HMGB1: variants seen among roughly 807,000 people sequenced by gnomAD.
HMGB1 encodes the protein high mobility group box 1, also known as high mobility group protein B1.
For synonymous variants in HMGB1, 81 were observed against 84.0 expected, an observed-to-expected ratio of 0.96 and a Z score of 0.19; for missense variants, 79 against 253.5, an observed-to-expected ratio of 0.31 and a Z score of 4.67.
upstream of HMGB1, among the ~76,000 whole-genome samples, chr13:30,467,974 C>T (rs370672022): frequency 1.3e-4 from 20 of 152,192 alleles, no homozygotes; most frequent in African/African-American, 4.8e-4. Flanking sequence ...GTAATAGGCA[C>T]TGGAATTGAA....
intron 1 of HMGB1, among the ~76,000 whole-genome samples, chr13:30,481,309 AC>A (rs58223635): frequency 0.28 from 42,441 of 151,746 alleles, 6,262 homozygotes; most frequent in East Asian, 0.52. Context: ...TGCTACAGCA[AC>A]AGAAAAAGAG....
intron 1 of HMGB1, among the ~76,000 whole-genome samples, chr13:30,471,303 C>T (rs375879960): frequency 2.0e-5 from 3 of 151,970 alleles, no homozygotes; most frequent in East Asian, 3.9e-4. Flanking sequence ...ATGTTTGTCT[C>T]CCATGTTCAA....
At chr13:30,494,761 A>G (rs1237843113) in intron 1 of HMGB1, among the ~76,000 whole-genome samples, 1 of 152,084 alleles carries the variant, frequency 6.6e-6, no homozygotes, top group Non-Finnish European at 1.5e-5. Context: ...ATCTTCCCCA[A>G]TTAAAACTCT....
At chr13:30,537,653 A>ATG (rs1868508558) in intron 1 of HMGB1, among the ~76,000 whole-genome samples, 1 of 8,874 alleles carries the variant, frequency 1.1e-4, no homozygotes, top group Non-Finnish European at 2.0e-4. Context: ...ATTCTTGTTC[A>ATG]TATATATATA....
At chr13:30,465,760 G>T in intron 1 of HMGB1, 36 bp downstream of exon 1, 1 of 981,302 alleles carries the variant, frequency 1.0e-6, no homozygotes, top group Non-Finnish European at 1.2e-6. Flanking sequence ...AGCTGCCGGA[G>T]GCGCTCTCCC....
At chr13:30,584,007 A>G (rs1423761684) in intron 1 of HMGB1, among the ~76,000 whole-genome samples, 3 of 151,928 alleles carry the variant, frequency 2.0e-5, no homozygotes, top group Non-Finnish European at 2.9e-5. Context: ...GTCTCTAAAG[A>G]AGAGAAAAGA....
chr13:30,566,964 C>G (rs1442164123), intron 1 of HMGB1, among the ~76,000 whole-genome samples: 1 of 152,178 alleles, frequency 6.6e-6, no homozygotes, highest in Non-Finnish European at 1.5e-5. Flanking sequence ...ATTTGATGAA[C>G]ACGAGTTTTG....
At chr13:30,539,378 A>G (rs1250730341) in intron 1 of HMGB1, among the ~76,000 whole-genome samples, 1 of 152,196 alleles carries the variant, frequency 6.6e-6, no homozygotes, top group African/African-American at 2.4e-5. Context: ...TGTATTTGTA[A>G]CCAGATGTGG....
At chr13:30,465,193 G>GGCCGCCCGGCC in intron 1 of HMGB1, 2 of 780,338 alleles carry the variant, frequency 2.6e-6, no homozygotes, top group Non-Finnish European at 3.1e-6. Context: ...CCCGCCGCCC[G>GGCCGCCCGGCC]GCCGCCGCCG....
chr13:30,457,780 T>A lies in HMGB1; in HGVS notation c.*3577A>T, dbSNP rs1287865516. ...AAGCAATTCTATAACAGAGCACTAT[T>A]TTGCCTCATTACTCTGGGAGCAATG... On this transcript the variant is annotated 3_prime_UTR_variant, in exon 5 of 5. Transcript: ENST00000341423. 3 of 152,200 alleles carry A rather than the reference T, an allele frequency of 2.0e-5. No individual in the cohort carries two copies. Among genetic ancestry groups the A allele is most frequent in the African/African-American group, 7.2e-5 (3 of 41,456 alleles). 9.4% of individuals were successfully genotyped at this position (152,200 alleles called of 1,614,324 possible).
At chr13:30,577,071 A>G (rs1354465612) in intron 1 of HMGB1, among the ~76,000 whole-genome samples, 1 of 152,126 alleles carries the variant, frequency 6.6e-6, no homozygotes, top group African/African-American at 2.4e-5. Context: ...AGCTGGGCAC[A>G]GGGGCTCACA....
chr13:30,469,091 A>G (rs1215844971), upstream of HMGB1, among the ~76,000 whole-genome samples: 1 of 152,010 alleles, frequency 6.6e-6, no homozygotes, highest in East Asian at 1.9e-4. Flanking sequence ...CGGTTTCACC[A>G]TGTTGGTCAG....
chr13:30,542,240 G>T, intron 1 of HMGB1: 2 of 190,166 alleles, frequency 1.1e-5, no homozygotes, highest in Admixed American at 5.0e-5. Context: ...TTCAGCCTCA[G>T]GTTCTCGAAC....
chr13:30,495,881 C>T (rs1243788697), intron 1 of HMGB1, among the ~76,000 whole-genome samples: 1 of 152,134 alleles, frequency 6.6e-6, no homozygotes, highest in African/African-American at 2.4e-5. Context: ...ATGTGGTTCC[C>T]AGACCCTAGC....
At chr13:30,482,104 T>C (rs1218870849) in intron 1 of HMGB1, among the ~76,000 whole-genome samples, 3 of 152,204 alleles carry the variant, frequency 2.0e-5, no homozygotes. Context: ...GTCTTAAATG[T>C]GCTACTGTAG....
chr13:30,605,721 T>G (rs1206875498), intron 1 of HMGB1, among the ~76,000 whole-genome samples: 2 of 152,166 alleles, frequency 1.3e-5, no homozygotes, highest in Non-Finnish European at 2.9e-5. Flanking sequence ...CAAAGCTCAG[T>G]GAAGAAACAT....
intron 1 of HMGB1, among the ~76,000 whole-genome samples, chr13:30,575,614 C>G (rs1338377859): frequency 1.3e-5 from 2 of 152,186 alleles, no homozygotes; most frequent in African/African-American, 4.8e-5. Context: ...ACCCACTCCT[C>G]TCCCCAAGTA....
chr13:30,606,562 G>A (rs1308204377), intron 1 of HMGB1, among the ~76,000 whole-genome samples: 1 of 152,086 alleles, frequency 6.6e-6, no homozygotes, highest in Non-Finnish European at 1.5e-5. Context: ...AACACTTGAG[G>A]GTGAAAGTTG....
At chr13:30,473,052 A>G (rs971331808) in intron 1 of HMGB1, among the ~76,000 whole-genome samples, 6 of 152,132 alleles carry the variant, frequency 3.9e-5, no homozygotes, top group Admixed American at 2.0e-4. Context: ...TCACTACCTT[A>G]GTCTAACTTG....
Sources: gnomAD v4.1 joint callset for allele counts (sites outside exome capture counted in the v4.1 genomes callset) on GRCh38, gnomAD v4.1.1 for gene constraint, MANE v1.5 for transcripts, NCBI Gene and HGNC (gene_info 2026-07-23, HGNC 2026-07-21) for gene names.